DYM: variants seen among roughly 807,000 people sequenced by gnomAD.
The protein encoded by DYM is dymeclin.
DYM carries 78 observed loss-of-function variants against 93.1 expected under a neutral mutation model. That is an observed-to-expected ratio of 0.84 (90% CI 0.70 to 1.01). The LOEUF is 1.01. Ranked by LOEUF, DYM falls within the 50% of genes least tolerant of loss-of-function variation. The pLI is 0.00. For synonymous variants in DYM, 321 were observed against 319.7 expected (o/e 1.00, Z -0.04); for missense variants, 789 against 845.0 (o/e 0.93, Z 0.82).
intron 13 of DYM, among the ~76,000 whole-genome samples, chr18:49,216,054 T>C (rs922151163): frequency 6.6e-6 from 1 of 152,198 alleles, no homozygotes; most frequent in Non-Finnish European, 1.5e-5. Flanking sequence ...ACCCTAATAC[T>C]GCGCTTTTCC....
At chr18:49,325,828 A>C (rs1321120389) in intron 8 of DYM, among the ~76,000 whole-genome samples, 2 of 152,236 alleles carry the variant, frequency 1.3e-5, no homozygotes, top group Non-Finnish European at 2.9e-5. Flanking sequence ...TTTATCCTGA[A>C]AACTGGACCT....
At chr18:49,443,581 G>C (rs2081852735) in intron 1 of DYM, among the ~76,000 whole-genome samples, 1 of 152,154 alleles carries the variant, frequency 6.6e-6, no homozygotes, top group Admixed American at 6.5e-5. Flanking sequence ...AGCTGTGCCA[G>C]CAAAATACAA....
intron 6 of DYM, among the ~76,000 whole-genome samples, chr18:49,358,169 G>A (rs1184889002): frequency 6.6e-6 from 1 of 151,776 alleles, no homozygotes; most frequent in Non-Finnish European, 1.5e-5. Flanking sequence ...AAATAAATAA[G>A]TAAATAAATA....
intron 15 of DYM, among the ~76,000 whole-genome samples, chr18:49,158,764 T>C (rs946786504): frequency 7.9e-5 from 12 of 152,102 alleles, no homozygotes; most frequent in African/African-American, 2.7e-4. Flanking sequence ...CGAAGGGTAG[T>C]TGGGGCAGGG....
chr18:49,195,914 A>ATTTTTT (rs2091393949), intron 14 of DYM, among the ~76,000 whole-genome samples: 1 of 97,748 alleles, frequency 1.0e-5, no homozygotes, highest in African/African-American at 5.3e-5. Context: ...GAATGCTACC[A>ATTTTTT]TCTTTTTTTT....
chr18:49,244,935 C>T (rs2094128637), intron 13 of DYM, among the ~76,000 whole-genome samples: 1 of 152,200 alleles, frequency 6.6e-6, no homozygotes, highest in African/African-American at 2.4e-5. Context: ...TGCGGGAAAT[C>T]AGGGACCCGG....
At chr18:49,294,955 T>C (rs2060427826) in intron 8 of DYM, among the ~76,000 whole-genome samples, 1 of 152,188 alleles carries the variant, frequency 6.6e-6, no homozygotes, top group African/African-American at 2.4e-5. Context: ...GCTAGAGATG[T>C]TCAGTCAACA....
At chr18:49,210,003 A>G (rs553245076) in intron 13 of DYM, among the ~76,000 whole-genome samples, 1 of 152,310 alleles carries the variant, frequency 6.6e-6, no homozygotes, top group Non-Finnish European at 1.5e-5. Context: ...AATTCAAACA[A>G]TGAGACACCA....
At chr18:49,094,115 A>G (rs1211215153) in intron 17 of DYM, among the ~76,000 whole-genome samples, 1 of 152,232 alleles carries the variant, frequency 6.6e-6, no homozygotes, top group Non-Finnish European at 1.5e-5. Context: ...AGCACTACCT[A>G]GTTTTCAAAC....
chr18:49,103,440 G>C (rs1022712351), intron 16 of DYM, among the ~76,000 whole-genome samples: 23 of 152,144 alleles, frequency 1.5e-4, no homozygotes, highest in Non-Finnish European at 2.2e-4. Flanking sequence ...GTCAATTTTA[G>C]CTTTTGTTGC....
At chr18:49,211,172 G>C (rs2092765057) in intron 13 of DYM, among the ~76,000 whole-genome samples, 2 of 152,156 alleles carry the variant, frequency 1.3e-5, no homozygotes, top group South Asian at 4.1e-4. Context: ...CTTTATAATA[G>C]TGGGTGTATG....
intron 6 of DYM, among the ~76,000 whole-genome samples, chr18:49,343,131 T>C (rs1001937769): frequency 1.3e-5 from 2 of 152,084 alleles, no homozygotes; most frequent in African/African-American, 4.8e-5. Flanking sequence ...CAAGGGAAAA[T>C]TTAAATACAC....
intron 13 of DYM, among the ~76,000 whole-genome samples, chr18:49,249,997 T>C (rs941608311): frequency 6.6e-6 from 1 of 152,348 alleles, no homozygotes; most frequent in South Asian, 2.1e-4. Flanking sequence ...AAGCTTTCAA[T>C]AGAGTCTGGC....
At chr18:49,440,373 GCATATTA>G (rs1454418290) in intron 1 of DYM, among the ~76,000 whole-genome samples, 1 of 121,234 alleles carries the variant, frequency 8.2e-6, no homozygotes, top group South Asian at 2.4e-4. Flanking sequence ...ATATAATATA[GCATATTA>G]TATATGATAT....
In DYM at chr18:49,386,074, A is replaced by C. The variant is rs926749592; in HGVS notation, c.193+5519T>G. On this transcript the variant is annotated intron_variant, in intron 3 of 17. Coordinates refer to ENST00000675505, the MANE Select transcript of DYM (RefSeq NM_001353214.3). The stretch of plus-strand genomic sequence containing the variant: ...CAATCTTCCTGCCGTGGCCTCCCAA[A>C]GAGCTGGAATTACAGGTGTGAGTCA... Among the ~76,000 whole-genome samples, 3 of 152,110 alleles carry C rather than the reference A, an allele frequency of 2.0e-5. No individual in the cohort carries two copies. The South Asian group carries it at 6.2e-4, about 32-fold the overall frequency.
chr18:49,426,364 G>C (rs942342003), intron 2 of DYM, among the ~76,000 whole-genome samples: 1 of 140,734 alleles, frequency 7.1e-6, no homozygotes, highest in African/African-American at 2.7e-5. Flanking sequence ...CTTGGACACA[G>C]GGTGGGGAAC....
chr18:49,096,129 T>TA (rs1200498471), intron 17 of DYM, among the ~76,000 whole-genome samples: 1 of 152,170 alleles, frequency 6.6e-6, no homozygotes, highest in African/African-American at 2.4e-5. Context: ...TCTCTATATT[T>TA]AAAAAAATTA....
chr18:49,203,254 C>T (rs753565755), intron 14 of DYM, among the ~76,000 whole-genome samples: 1,419 of 53,632 alleles, frequency 0.026, 79 homozygotes, highest in East Asian at 0.12. Context: ...CCTGCCCGGC[C>T]AGCCGCCCCG....
rs535383782 is a variant in DYM at position 49,363,012 on chromosome 18, G to A, written c.494+149C>T. 56 of 674,002 alleles carry A rather than the reference G, an allele frequency of 8.3e-5. No homozygotes were observed. The South Asian group carries it at 9.4e-4, about 11-fold the overall frequency. The allele number at this position is 674,002 out of a possible 1,614,324, so 41.8% of individuals were successfully genotyped here. A position where few individuals can be genotyped will look rare whatever the true frequency, so the allele number is the denominator to read the frequency against. ...AATGAATAGTCAGTCTAAATATTAG[G>A]TAGAGAGAAAAGAACTCTGTGGATA... On this transcript the variant is annotated intron_variant, in intron 6 of 17. Coordinates refer to ENST00000675505, the MANE Select transcript of DYM (RefSeq NM_001353214.3).
Sources: allele counts gnomAD v4.1 joint callset (sites outside exome capture counted in the v4.1 genomes callset), GRCh38; gene constraint gnomAD v4.1.1; transcripts MANE v1.5; gene names NCBI Gene and HGNC (gene_info 2026-07-23, HGNC 2026-07-21).